The following A4GALT variants were observed in gnomAD, a reference collection of about 807,000 sequenced individuals.
A4GALT encodes alpha 1,4-galactosyltransferase (P1PK blood group).
For missense variants in A4GALT, 512 were observed against 486.0 expected (o/e 1.05, Z -0.50); for synonymous variants, 257 against 220.7 (o/e 1.16, Z -1.46).
chr22:42,692,899 C>T lies in A4GALT; in HGVS notation c.1053G>A (p.Met351Ile). 1.2e-6 allele frequency: 2 copies of T among 1,602,278 alleles called. No individual in the cohort carries two copies. The highest frequency in any genetic ancestry group is 1.7e-6 in the Non-Finnish European group (2 of 1,179,734). Residue 351 changes from methionine to isoleucine, a missense_variant, in exon 3 of 3, where the codon ATG (methionine) becomes ATA (isoleucine). Transcript: ENST00000642412. The surrounding 1 kb of genome is among the most constrained non-coding windows in gnomAD (Gnocchi z 4.6). Reference protein sequence around the residue: ...YCPTTHEAMKMYL With the variant: ...YCPTTHEAMKIYL Reference sequence around the variant, plus strand: ...TGACCTGGCGGGCCCCTCACAAGTACATTTTCATGGCCTCGTGCGTCGTGG... The same window carrying T: ...TGACCTGGCGGGCCCCTCACAAGTATATTTTCATGGCCTCGTGCGTCGTGG...
intron 1 of A4GALT, among the ~76,000 whole-genome samples, chr22:42,719,693 G>C (rs1250143484): frequency 1.3e-5 from 2 of 152,116 alleles, no homozygotes; most frequent in African/African-American, 4.8e-5. Context: ...TGGGACCCTG[G>C]GCAGGGTGGC....
At chr22:42,707,940 G>A (rs1388484389) in intron 1 of A4GALT, among the ~76,000 whole-genome samples, 1 of 143,330 alleles carries the variant, frequency 7.0e-6, no homozygotes, top group African/African-American at 2.5e-5. Context: ...GGGCACCACA[G>A]TGAGACTGTC....
chr22:42,692,483 T>A lies in A4GALT; in HGVS notation c.*407A>T. ...GTCTCCCCCAGCCCTGCCACTTTCC[T>A]ACCAACAGCCTCCTCTCCTCTCTGG... On this transcript the variant is annotated 3_prime_UTR_variant, in exon 3 of 3. Transcript: ENST00000642412. This position sits in a 1 kb window ranked among gnomAD's most constrained non-coding sequence, Gnocchi z 4.6. The A allele has an allele frequency of 2.8e-6, 1 of 360,700 alleles. No individual in the cohort carries two copies. The highest frequency in any genetic ancestry group is 2.1e-5 in the South Asian group (1 of 48,456). The allele number at this position is 360,700 out of a possible 1,614,324, so 22.3% of individuals were successfully genotyped here. A position where few individuals can be genotyped will look rare whatever the true frequency, so the allele number is the denominator to read the frequency against.
Position 42,714,535 on chromosome 22 carries a change from G to A in A4GALT, c.-188+6262C>T, listed in dbSNP as rs545018253. 1.9e-3 allele frequency among the ~76,000 whole-genome samples: 293 copies of A among 151,986 alleles called. 2 individuals carry two copies. Among genetic ancestry groups the A allele is most frequent in the African/African-American group, 5.7e-3 (236 of 41,432 alleles). ...GCCAGGGTTTCATAACTGCACACCA[G>A]GTTGGGCAACAGAGCAAGGTCCTGT... On this transcript the variant is annotated intron_variant, in intron 1 of 2. Coordinates refer to ENST00000642412, the MANE Select transcript of A4GALT (RefSeq NM_017436.7).
rs755751720 is a variant in A4GALT at position 42,692,798 on chromosome 22, C to T, written c.*92G>A. The stretch of plus-strand genomic sequence containing the variant: ...GCCTAAGCCCGGTGGCAGCTCGGGC[C>T]TCCCTCTCCCGGGCCCTCAATCTTG... On this transcript the variant is annotated 3_prime_UTR_variant, in exon 3 of 3. Transcript: ENST00000642412. This position sits in a 1 kb window ranked among gnomAD's most constrained non-coding sequence, Gnocchi z 4.6. 3 of 1,501,422 alleles carry T rather than the reference C, an allele frequency of 2.0e-6. No homozygotes were observed. The highest frequency in any genetic ancestry group is 2.7e-6 in the Non-Finnish European group (3 of 1,099,360). 93.0% of individuals were successfully genotyped at this position (1,501,422 alleles called of 1,614,324 possible). A position where few individuals can be genotyped will look rare whatever the true frequency, so the allele number is the denominator to read the frequency against.
rs1211567242 is a variant in A4GALT, at chr22:42,693,447, A to AG, written c.504dup (p.Tyr169LeufsTer114). On this transcript the variant is annotated frameshift_variant, in exon 3 of 3. Transcript: ENST00000642412. LOFTEE classifies it low-confidence loss of function (END_TRUNC). ...GCGTCGGAGAGCACGGGCAGCAGGT[A>AG]GGGCTCCCAGCGCCCCTGCACGGCC... 12 of 1,613,068 alleles carry AG rather than the reference A, an allele frequency of 7.4e-6. No individual in the cohort carries two copies. Among genetic ancestry groups the AG allele is most frequent in the Non-Finnish European group, 1.0e-5 (12 of 1,179,970 alleles).
At chr22:42,707,949 T>A (rs1921296072) in intron 1 of A4GALT, among the ~76,000 whole-genome samples, 1 of 118,804 alleles carries the variant, frequency 8.4e-6, no homozygotes, top group African/African-American at 2.9e-5. Context: ...AGTGAGACTG[T>A]CACTACAAAA....
At chr22:42,706,668 GCCTGTAGTCCC>G in intron 1 of A4GALT, among the ~76,000 whole-genome samples, 7 of 151,980 alleles carry the variant, frequency 4.6e-5, no homozygotes, top group Middle Eastern at 3.4e-3. Context: ...GGTGGCAGGT[GCCTGTAGTCCC>G]AGCTACTTGG....
At chr22:42,702,846 T>C (rs932061911) in intron 1 of A4GALT, among the ~76,000 whole-genome samples, 4 of 143,724 alleles carry the variant, frequency 2.8e-5, no homozygotes, top group African/African-American at 1.2e-4. Context: ...GCCCAAATAA[T>C]GGGGTTGGCA....
chr22:42,693,532 C>G lies in A4GALT; in HGVS notation c.420G>C (p.Gln140His). The G allele has an allele frequency of 6.2e-7, 1 of 1,613,404 alleles. No individual in the cohort carries two copies. The highest frequency in any genetic ancestry group is 8.5e-7 in the Non-Finnish European group (1 of 1,180,008). Residue 140 changes from glutamine (Q) to histidine (H), a missense_variant, in exon 3 of 3, where the codon CAG (glutamine) becomes CAC (histidine). Physicochemically the swap from Gln to His is conservative, Grantham distance 24 (BLOSUM62 0). Transcript: ENST00000642412. The part of the protein sequence containing the change: ...ISLLSCFPNV[Q>H]MLPLDLRELF... ...GCTCCCGCAGGTCCAGCGGGAGCAT[C>G]TGGACATTCGGGAAGCAGCTCAGAA...
In A4GALT at chr22:42,692,492, C is replaced by A. The variant is rs372842737; in HGVS notation, c.*398G>T. On this transcript the variant is annotated 3_prime_UTR_variant, in exon 3 of 3. Transcript: ENST00000642412. This position sits in a 1 kb window ranked among gnomAD's most constrained non-coding sequence, Gnocchi z 4.6. Reference sequence around the variant, plus strand: ...AGCCCTGCCACTTTCCTACCAACAGCCTCCTCTCCTCTCTGGGAATCTTGT... The same window carrying A: ...AGCCCTGCCACTTTCCTACCAACAGACTCCTCTCCTCTCTGGGAATCTTGT... The A allele has an allele frequency of 2.4e-4, 88 of 365,054 alleles. 1 individual carries two copies. The East Asian group carries it at 3.8e-3, about 16-fold the overall frequency. 22.6% of individuals were successfully genotyped at this position (365,054 alleles called of 1,614,324 possible). A position where few individuals can be genotyped will look rare whatever the true frequency, so the allele number is the denominator to read the frequency against.
intron 1 of A4GALT, among the ~76,000 whole-genome samples, chr22:42,710,739 C>A (rs950658759): frequency 6.9e-6 from 1 of 145,208 alleles, no homozygotes; most frequent in African/African-American, 2.7e-5. Context: ...TAAATAAGAA[C>A]AATGCAGCCT....
chr22:42,694,865 A>T (rs1052831078), intron 2 of A4GALT: 4 of 152,188 alleles, frequency 2.6e-5, no homozygotes, highest in Non-Finnish European at 4.4e-5. Context: ...CATCCTGTCC[A>T]TGCCAGGTGA....
At chr22:42,701,878 A>G (rs1470396298) in intron 1 of A4GALT, among the ~76,000 whole-genome samples, 1 of 152,166 alleles carries the variant, frequency 6.6e-6, no homozygotes, top group Non-Finnish European at 1.5e-5. Flanking sequence ...AGGGAAGGAG[A>G]CAGAGACCCA....
At position 42,693,280 on chromosome 22, in the gene A4GALT, C is replaced by T. The variant is rs13058256; in HGVS notation, c.672G>A (p.Glu224=). 1.2e-6 allele frequency: 2 copies of T among 1,612,922 alleles called. No individual in the cohort carries two copies. The highest frequency in any genetic ancestry group is 1.7e-6 in the Non-Finnish European group (2 of 1,179,978). Residue 224 remains glutamate (E), a synonymous_variant, in exon 3 of 3, where the codon GAG becomes GAA. Transcript: ENST00000642412. ...ACAGCGCCATGAACTCGTGCCGGCG[C>T]TCGAAGGCCAGGAACGCGCCGTTGA... ...YVLNGAFLAF[E]RRHEFMALCM...
chr22:42,714,729 A>G (rs1457225794), intron 1 of A4GALT, among the ~76,000 whole-genome samples: 1 of 151,830 alleles, frequency 6.6e-6, no homozygotes, highest in Non-Finnish European at 1.5e-5. Context: ...AGATGGTGCC[A>G]TTGCACTACA....
At position 42,693,936 on chromosome 22, in the gene A4GALT, C is replaced by CG. The variant is rs756055465; in HGVS notation, c.15dup (p.Asp6ArgfsTer49). On this transcript the variant is annotated frameshift_variant, in exon 3 of 3. Coordinates refer to ENST00000642412, the MANE Select transcript of A4GALT (RefSeq NM_017436.7). LOFTEE classifies it low-confidence loss of function (END_TRUNC). Reference sequence around the variant, plus strand: ...CCCCGGAGCAGCCGCAGCAGGAGGTCGGGGGGCTTGGACATGGTATCCCCA... The same window carrying CG: ...CCCCGGAGCAGCCGCAGCAGGAGGTCGGGGGGGCTTGGACATGGTATCCCCA... 1.3e-6 allele frequency: 2 copies of CG among 1,590,786 alleles called. No homozygotes were observed. The highest frequency in any genetic ancestry group is 2.3e-5 in the South Asian group (2 of 87,724).
chr22:42,692,388 A>ACCC lies in A4GALT; in HGVS notation c.*499_*501dup. 1 of 234,058 alleles carries ACCC rather than the reference A, an allele frequency of 4.3e-6. No homozygotes were observed. Among genetic ancestry groups the ACCC allele is most frequent in the Non-Finnish European group, 8.3e-6 (1 of 120,016 alleles). The allele number at this position is 234,058 out of a possible 1,614,324, so 14.5% of individuals were successfully genotyped here. A position where few individuals can be genotyped will look rare whatever the true frequency, so the allele number is the denominator to read the frequency against. On this transcript the variant is annotated 3_prime_UTR_variant, in exon 3 of 3. Transcript: ENST00000642412. This position sits in a 1 kb window ranked among gnomAD's most constrained non-coding sequence, Gnocchi z 4.6. ...CACTCAGTCCCTGTTGACCTCCCCCACCCCCCGCGAAAGAGGAACCAAAAC... is the reference window on the plus strand; with the variant it reads ...CACTCAGTCCCTGTTGACCTCCCCCACCCCCCCCCGCGAAAGAGGAACCAAAAC...
At chr22:42,713,361 G>GC (rs780953534) in intron 1 of A4GALT, among the ~76,000 whole-genome samples, 1 of 152,196 alleles carries the variant, frequency 6.6e-6, no homozygotes, top group Non-Finnish European at 1.5e-5. Flanking sequence ...CCCCAGCACT[G>GC]CCCTTCGCAC....
Sources: gnomAD v4.1 joint callset for allele counts (sites outside exome capture counted in the v4.1 genomes callset) on GRCh38, gnomAD v4.1.1 for gene constraint, Gnocchi (gnomAD v3.1) non-coding constraint, MANE v1.5 for transcripts, NCBI Gene and HGNC (gene_info 2026-07-23, HGNC 2026-07-21) for gene names.